The following CNTNAP4 variants were observed in gnomAD, a reference collection of about 807,000 sequenced individuals.
CNTNAP4 encodes the protein contactin-associated protein-like 4.
In CNTNAP4, 98 loss-of-function variants were observed where a neutral mutation model predicts 148.4. That is an observed-to-expected ratio of 0.66 (90% confidence interval 0.56 to 0.78). The LOEUF (loss-of-function observed/expected upper bound fraction) is 0.78, where lower values mean the gene tolerates loss of function less well. Among genes scored for constraint, CNTNAP4 ranks in the 30% least tolerant of loss-of-function variants. The pLI is 0.00. For missense variants in CNTNAP4, 1,935 were observed against 1,565.6 expected (o/e 1.24, Z -3.98); for synonymous variants, 730 against 565.1 (o/e 1.29, Z -4.14).
rs2078255700 is a variant in CNTNAP4 at position 76,397,869 on chromosome 16, C to G, written c.391-29583C>G. Among the ~76,000 whole-genome samples the G allele has an allele frequency of 2.1e-5, 3 of 140,286 alleles. No homozygotes were observed. In the South Asian group the frequency reaches 6.9e-4, roughly 32 times the overall value. 92.0% of individuals were successfully genotyped at this position (140,286 alleles called of 152,430 possible). A position where few individuals can be genotyped will look rare whatever the true frequency, so the allele number is the denominator to read the frequency against. On this transcript the variant is annotated intron_variant, in intron 3 of 23. Transcript: ENST00000611870. ...TAAAGGAAACCTTAGAATTCATGGA[C>G]TGCCTAGGTTCTCTAACTTTGTTTA...
At chr16:76,303,810 A>G (rs1260920763) in intron 1 of CNTNAP4, among the ~76,000 whole-genome samples, 3 of 152,192 alleles carry the variant, frequency 2.0e-5, no homozygotes, top group African/African-American at 7.2e-5. Context: ...ATGAGAAAAC[A>G]ATGCATCGTA....
At chr16:76,480,650 A>T (rs1171620107) in intron 12 of CNTNAP4, among the ~76,000 whole-genome samples, 1 of 151,948 alleles carries the variant, frequency 6.6e-6, no homozygotes, top group African/African-American at 2.4e-5. Context: ...AGGCAAGAAA[A>T]CTGCTTGAAC....
chr16:76,483,386 C>T (rs534754654), intron 12 of CNTNAP4, among the ~76,000 whole-genome samples: 77 of 152,246 alleles, frequency 5.1e-4, no homozygotes, highest in African/African-American at 1.8e-3. Flanking sequence ...CAATTAGTTT[C>T]TTGCAAGCCT....
intron 3 of CNTNAP4, among the ~76,000 whole-genome samples, chr16:76,391,013 A>G (rs2016944508): frequency 6.6e-6 from 1 of 152,216 alleles, no homozygotes; most frequent in South Asian, 2.1e-4. Flanking sequence ...GTCACAGACC[A>G]GCCAATTACA....
intron 15 of CNTNAP4, among the ~76,000 whole-genome samples, chr16:76,516,188 T>C (rs1415679918): frequency 6.6e-6 from 1 of 150,606 alleles, no homozygotes; most frequent in Non-Finnish European, 1.5e-5. Flanking sequence ...TGATAACATG[T>C]GGTGTTTGGT....
chr16:76,456,393 C>T (rs970464771), intron 8 of CNTNAP4, among the ~76,000 whole-genome samples: 2 of 152,226 alleles, frequency 1.3e-5, no homozygotes, highest in Non-Finnish European at 2.9e-5. Context: ...GATGAAATAA[C>T]GAAGTAAGGC....
intron 15 of CNTNAP4, among the ~76,000 whole-genome samples, chr16:76,519,896 G>A (rs1450402162): frequency 6.6e-6 from 1 of 152,178 alleles, no homozygotes; most frequent in Non-Finnish European, 1.5e-5. Flanking sequence ...ATTCGGTCTA[G>A]AATTTATACA....
chr16:76,451,719 A>G (rs1470853474), intron 7 of CNTNAP4, among the ~76,000 whole-genome samples: 1 of 151,710 alleles, frequency 6.6e-6, no homozygotes, highest in Non-Finnish European at 1.5e-5. Context: ...GTAAGCTATC[A>G]TGCAGCTATC....
rs1015161491 is a variant in CNTNAP4 at position 76,427,688 on chromosome 16, T to C, written c.538+89T>C. Reference sequence around the variant, plus strand: ...TACAAACTGAAATGGACTTTTTAGCTACATAAAGAGGTATAAAAAATAGGA... The same window carrying C: ...TACAAACTGAAATGGACTTTTTAGCCACATAAAGAGGTATAAAAAATAGGA... On this transcript the variant is annotated intron_variant, in intron 4 of 23. Transcript: ENST00000611870. 3 of 1,283,576 alleles carry C rather than the reference T, an allele frequency of 2.3e-6. No individual in the cohort carries two copies. In the African/African-American group the frequency reaches 4.5e-5, roughly 19 times the overall value. The allele number at this position is 1,283,576 out of a possible 1,614,324, so 79.5% of individuals were successfully genotyped here.
intron 2 of CNTNAP4, among the ~76,000 whole-genome samples, chr16:76,338,158 T>C (rs1299995123): frequency 6.6e-6 from 1 of 152,164 alleles, no homozygotes; most frequent in Non-Finnish European, 1.5e-5. Context: ...GTCCATGAAA[T>C]CTTCACAATT....
intron 3 of CNTNAP4, among the ~76,000 whole-genome samples, chr16:76,388,604 G>A (rs992261398): frequency 1.3e-5 from 2 of 152,118 alleles, no homozygotes; most frequent in Admixed American, 1.3e-4. Flanking sequence ...ACTGTGATTT[G>A]TAATAATATT....
At chr16:76,483,231 A>AACACACACAC (rs59206208) in intron 12 of CNTNAP4, among the ~76,000 whole-genome samples, 4,519 of 140,050 alleles carry the variant, frequency 0.032, 122 homozygotes, top group East Asian at 0.06. Context: ...AGTTTTAAGA[A>AACACACACAC]ACACACACAC....
intron 9 of CNTNAP4, among the ~76,000 whole-genome samples, chr16:76,464,824 A>T (rs1000027973): frequency 6.6e-6 from 1 of 152,102 alleles, no homozygotes; most frequent in African/African-American, 2.4e-5. Flanking sequence ...TCCACCCTCA[A>T]ACAGGTGCTT....
chr16:76,399,494 T>C (rs2078327323), intron 3 of CNTNAP4, among the ~76,000 whole-genome samples: 1 of 152,194 alleles, frequency 6.6e-6, no homozygotes, highest in African/African-American at 2.4e-5. Context: ...AATTGTCAAT[T>C]ATCAGAATTC....
At chr16:76,363,839 C>G (rs998610199) in intron 3 of CNTNAP4, among the ~76,000 whole-genome samples, 2 of 152,100 alleles carry the variant, frequency 1.3e-5, no homozygotes, top group African/African-American at 4.8e-5. Context: ...TAAGTAGTGT[C>G]GGTGGCTCTG....
chr16:76,277,866 C>G (rs1266353997), intron 1 of CNTNAP4, 119 bp downstream of exon 1: 1 of 691,830 alleles, frequency 1.4e-6, no homozygotes, highest in Non-Finnish European at 2.5e-6. Context: ...TGCTGTAAAC[C>G]AAGCATCACT....
intron 1 of CNTNAP4, among the ~76,000 whole-genome samples, chr16:76,293,381 C>T (rs1387802517): frequency 6.6e-6 from 1 of 152,082 alleles, no homozygotes; most frequent in African/African-American, 2.4e-5. Flanking sequence ...TATTCACAAG[C>T]ACCTTTAAGC....
chr16:76,343,185 A>G (rs746147282), intron 2 of CNTNAP4, among the ~76,000 whole-genome samples: 1 of 151,088 alleles, frequency 6.6e-6, no homozygotes, highest in Non-Finnish European at 1.5e-5. Flanking sequence ...CTGCTTTATT[A>G]TGACTCAGTG....
chr16:76,467,550 CCTG>C (rs757562762), intron 10 of CNTNAP4, 27 bp downstream of exon 10: 10 of 1,553,796 alleles, frequency 6.4e-6, no homozygotes, highest in Non-Finnish European at 8.7e-6. Flanking sequence ...TTCATTTTGA[CCTG>C]CTTTCAAACT....
Sources: allele counts gnomAD v4.1 joint callset (sites outside exome capture counted in the v4.1 genomes callset), GRCh38; gene constraint gnomAD v4.1.1; transcripts MANE v1.5; gene names NCBI Gene and HGNC (gene_info 2026-07-23, HGNC 2026-07-21).